Variants in DOK6 observed in about 807,000 individuals in gnomAD.
DOK6 encodes the protein downstream of tyrosine kinase 6.
In DOK6, 22 loss-of-function variants were observed where a neutral mutation model predicts 44.0. The observed-to-expected ratio is 0.50, with a 90% CI of 0.36 to 0.71. The LOEUF (loss-of-function observed/expected upper bound fraction) is 0.71, where lower values mean the gene tolerates loss of function less well. DOK6 is among the 30% of genes least tolerant of loss of function. The pLI is 0.00. For synonymous variants in DOK6, 166 were observed against 145.5 expected, an observed-to-expected ratio of 1.14 and a Z score of -1.01; for missense variants, 340 against 416.4, an observed-to-expected ratio of 0.82 and a Z score of 1.60.
At position 69,490,880 on chromosome 18, in the gene DOK6, G is replaced by A. The variant is rs146474269; in HGVS notation, c.67-73607G>A. ...CTAATTTCCAAGTGGGTTGAATTTT[G>A]CGTATGGGTGATATGTGTGTGCTTA... On this transcript the variant is annotated intron_variant, in intron 1 of 7. Coordinates refer to ENST00000382713, the MANE Select transcript of DOK6 (RefSeq NM_152721.6). Among the ~76,000 whole-genome samples, 320 of 152,278 alleles carry A rather than the reference G, an allele frequency of 2.1e-3. 1 individual carries two copies. Among genetic ancestry groups the A allele is most frequent in the African/African-American group, 6.8e-3 (284 of 41,570 alleles).
chr18:69,725,220 G>A (rs1376857491), intron 5 of DOK6, among the ~76,000 whole-genome samples: 2 of 152,170 alleles, frequency 1.3e-5, no homozygotes, highest in African/African-American at 4.8e-5. Flanking sequence ...ACTCATTCGG[G>A]CAGCTTTCCC....
At chr18:69,509,314 G>A (rs1278464207) in intron 1 of DOK6, among the ~76,000 whole-genome samples, 1 of 152,220 alleles carries the variant, frequency 6.6e-6, no homozygotes, top group South Asian at 2.1e-4. Context: ...TTAACAAAAT[G>A]TTATGCCGAT....
At chr18:69,584,526 A>C (rs1018903518) in intron 2 of DOK6, among the ~76,000 whole-genome samples, 2 of 152,116 alleles carry the variant, frequency 1.3e-5, no homozygotes, top group African/African-American at 4.8e-5. Flanking sequence ...TCCTGACCTC[A>C]AGCAGTCCGC....
At chr18:69,522,925 G>A (rs1216259913) in intron 1 of DOK6, among the ~76,000 whole-genome samples, 1 of 152,078 alleles carries the variant, frequency 6.6e-6, no homozygotes, top group Non-Finnish European at 1.5e-5. Flanking sequence ...ATCAAAGTGT[G>A]TCTTTTTCTG....
chr18:69,449,405 G>C (rs1414257223), intron 1 of DOK6, among the ~76,000 whole-genome samples: 1 of 152,218 alleles, frequency 6.6e-6, no homozygotes, highest in East Asian at 1.9e-4. Flanking sequence ...ACCAAAGAAA[G>C]AAAATAGCTA....
chr18:69,489,369 A>G (rs182401887), intron 1 of DOK6, among the ~76,000 whole-genome samples: 157 of 152,282 alleles, frequency 1.0e-3, no homozygotes, highest in African/African-American at 3.6e-3. Flanking sequence ...TCATCTTCCT[A>G]CCAGTGATGG....
chr18:69,553,883 C>A (rs911192104), intron 1 of DOK6, among the ~76,000 whole-genome samples: 1 of 152,188 alleles, frequency 6.6e-6, no homozygotes, highest in Admixed American at 6.5e-5. Flanking sequence ...TCCACCTGCT[C>A]CTTTACAAAT....
chr18:69,749,279 C>T (rs1260788542), intron 6 of DOK6, among the ~76,000 whole-genome samples: 1 of 152,064 alleles, frequency 6.6e-6, no homozygotes, highest in African/African-American at 2.4e-5. Flanking sequence ...TCCTGCACAT[C>T]CTGCACCTGT....
intron 7 of DOK6, among the ~76,000 whole-genome samples, chr18:69,811,470 A>G (rs936268434): frequency 1.3e-5 from 2 of 148,592 alleles, no homozygotes; most frequent in African/African-American, 5.0e-5. Flanking sequence ...CTATAAAAAA[A>G]TGTTAAGTAT....
intron 5 of DOK6, among the ~76,000 whole-genome samples, chr18:69,718,742 C>T (rs1320618277): frequency 6.6e-6 from 1 of 152,120 alleles, no homozygotes; most frequent in African/African-American, 2.4e-5. Flanking sequence ...ACAACATTCA[C>T]TGTGAGCACC....
intron 3 of DOK6, among the ~76,000 whole-genome samples, chr18:69,606,838 A>G (rs1462233690): frequency 7.2e-6 from 1 of 139,020 alleles, no homozygotes; most frequent in African/African-American, 2.7e-5. Context: ...ATCTCGGCCC[A>G]CTGCAACCTC....
chr18:69,692,784 G>A (rs928679359), intron 4 of DOK6, among the ~76,000 whole-genome samples: 8 of 152,162 alleles, frequency 5.3e-5, no homozygotes. Flanking sequence ...GAAAAAATAT[G>A]TAAACAAATT....
At chr18:69,424,903 G>T (rs1020160513) in intron 1 of DOK6, among the ~76,000 whole-genome samples, 10 of 152,044 alleles carry the variant, frequency 6.6e-5, no homozygotes. Flanking sequence ...ATATTGTGCT[G>T]GATTTACTCA....
intron 3 of DOK6, among the ~76,000 whole-genome samples, chr18:69,611,048 C>T (rs904467112): frequency 6.7e-6 from 1 of 149,050 alleles, no homozygotes; most frequent in Non-Finnish European, 1.5e-5. Flanking sequence ...AAAAGGCAAC[C>T]AAAAAAAGAA....
chr18:69,493,757 G>A (rs1436006603), intron 1 of DOK6, among the ~76,000 whole-genome samples: 1 of 151,992 alleles, frequency 6.6e-6, no homozygotes, highest in Non-Finnish European at 1.5e-5. Context: ...GCAACAAATA[G>A]GAAATAAATT....
At chr18:69,528,210 T>C (rs1045411323) in intron 1 of DOK6, among the ~76,000 whole-genome samples, 2 of 150,636 alleles carry the variant, frequency 1.3e-5, no homozygotes, top group Non-Finnish European at 3.0e-5. Flanking sequence ...GAAACTAAGA[T>C]GCATAGCGTT....
At chr18:69,716,548 C>T (rs909503400) in intron 5 of DOK6, among the ~76,000 whole-genome samples, 10 of 151,796 alleles carry the variant, frequency 6.6e-5, no homozygotes, top group Admixed American at 3.3e-4. Flanking sequence ...AATTCTATAC[C>T]GTGTACACAC....
In DOK6 at chr18:69,841,506, A is replaced by T; in HGVS notation, c.*123A>T. 7.4e-7 allele frequency: 1 copy of T among 1,344,068 alleles called. No homozygotes were observed. Among genetic ancestry groups the T allele is most frequent in the South Asian group, 1.7e-5 (1 of 60,326 alleles). The allele number at this position is 1,344,068 out of a possible 1,614,324, so 83.3% of individuals were successfully genotyped here. A position where few individuals can be genotyped will look rare whatever the true frequency, so the allele number is the denominator to read the frequency against. ...ATTGAAATGGGTCGGCTCTAGCCCC[A>T]GTCCCATTGGAAGGTTAAAAACTGG... On this transcript the variant is annotated 3_prime_UTR_variant, in exon 8 of 8. Transcript: ENST00000382713.
chr18:69,840,411 CAAAT>C (rs1018352759), intron 7 of DOK6, among the ~76,000 whole-genome samples: 13 of 152,122 alleles, frequency 8.5e-5, no homozygotes, highest in African/African-American at 1.4e-4. Flanking sequence ...GGGGAAAAAA[CAAAT>C]AAAGATGAGG....
Sources: gnomAD v4.1 joint callset for allele counts (sites outside exome capture counted in the v4.1 genomes callset) on GRCh38, gnomAD v4.1.1 for gene constraint, MANE v1.5 for transcripts, NCBI Gene and HGNC (gene_info 2026-07-23, HGNC 2026-07-21) for gene names.